The following LPP variants were observed in gnomAD, a reference collection of about 807,000 sequenced individuals.
LPP encodes the protein lipoma-preferred partner.
In LPP, 38 loss-of-function variants were observed where a neutral mutation model predicts 60.4. The observed-to-expected ratio is 0.63, with a 90% CI of 0.49 to 0.83. The LOEUF (loss-of-function observed/expected upper bound fraction) is 0.83, where lower values mean the gene tolerates loss of function less well. Ranked by LOEUF, LPP falls within the 40% of genes least tolerant of loss-of-function variation. The pLI is 0.00. For synonymous variants in LPP, 328 were observed against 290.8 expected (o/e 1.13, Z -1.30); for missense variants, 902 against 783.6 (o/e 1.15, Z -1.80).
At chr3:188,853,723 A>G (rs1264679472) in intron 9 of LPP, among the ~76,000 whole-genome samples, 1 of 152,208 alleles carries the variant, frequency 6.6e-6, no homozygotes, top group East Asian at 1.9e-4. Context: ...TCTTCCATCT[A>G]CAATCTTTCT....
intron 3 of LPP, among the ~76,000 whole-genome samples, chr3:188,377,452 C>T (rs1775481477): frequency 6.6e-6 from 1 of 152,134 alleles, no homozygotes; most frequent in South Asian, 2.1e-4. Context: ...TCATTTCATT[C>T]ATTTTGTCGT....
In LPP at chr3:188,619,886, A is replaced by G. The variant is rs537197541; in HGVS notation, c.1113+10042A>G. On this transcript the variant is annotated intron_variant, in intron 7 of 11. Transcript: ENST00000617246. ...CAGAATATCAAAATCAAAAATTAACATGCTATGTGCAGAGTAGGTTCTATA... is the reference window on the plus strand; with the variant it reads ...CAGAATATCAAAATCAAAAATTAACGTGCTATGTGCAGAGTAGGTTCTATA... 4.1e-3 allele frequency among the ~76,000 whole-genome samples: 618 copies of G among 152,276 alleles called. 2 individuals are homozygous for G. Among genetic ancestry groups the G allele is most frequent in the African/African-American group, 0.014 (582 of 41,568 alleles).
intron 5 of LPP, among the ~76,000 whole-genome samples, chr3:188,496,406 C>T (rs941268745): frequency 4.6e-5 from 7 of 152,188 alleles, no homozygotes; most frequent in African/African-American, 9.6e-5. Flanking sequence ...GGATTACAGG[C>T]GTGAGCCACT....
intron 6 of LPP, among the ~76,000 whole-genome samples, chr3:188,597,489 G>T (rs1031940428): frequency 6.6e-6 from 1 of 152,032 alleles, no homozygotes; most frequent in African/African-American, 2.4e-5. Flanking sequence ...GTAAAAGATA[G>T]GAATGGTTGG....
chr3:188,833,759 C>T (rs750722122), intron 9 of LPP, among the ~76,000 whole-genome samples: 13 of 151,922 alleles, frequency 8.6e-5, no homozygotes, highest in Non-Finnish European at 1.9e-4. Flanking sequence ...AAATTAATCC[C>T]CAAGAGCCTG....
intron 9 of LPP, among the ~76,000 whole-genome samples, chr3:188,768,332 C>T (rs1191217088): frequency 1.3e-5 from 2 of 152,146 alleles, no homozygotes; most frequent in African/African-American, 2.4e-5. Flanking sequence ...AATACCTAAC[C>T]TAGGTTACCC....
intron 7 of LPP, among the ~76,000 whole-genome samples, chr3:188,700,900 C>T (rs1864267588): frequency 6.6e-6 from 1 of 151,740 alleles, no homozygotes; most frequent in South Asian, 2.1e-4. Context: ...CACAAATGGG[C>T]ACAAAAAAAT....
chr3:188,330,367 C>T lies in LPP; in HGVS notation c.-66-11296C>T, dbSNP rs141195162. On this transcript the variant is annotated intron_variant, in intron 2 of 11. Coordinates refer to ENST00000617246, the MANE Select transcript of LPP (RefSeq NM_001375462.1). ...CTTGCAAACTTTCAAATGTATTGTG[C>T]TTTCATTTTCAACTTAATTGGATGT... Among the ~76,000 whole-genome samples the T allele has an allele frequency of 8.5e-3, 1,297 of 152,196 alleles. 4 individuals are homozygous for T. Among genetic ancestry groups the T allele is most frequent in the Middle Eastern group, 0.048 (14 of 294 alleles).
intron 4 of LPP, among the ~76,000 whole-genome samples, chr3:188,474,456 G>A (rs925727152): frequency 3.1e-5 from 4 of 128,782 alleles, no homozygotes; most frequent in Admixed American, 7.9e-5. Flanking sequence ...AGACAGCAGT[G>A]GTGAAATAAA....
intron 6 of LPP, among the ~76,000 whole-genome samples, chr3:188,548,366 T>C (rs999427303): frequency 6.6e-6 from 1 of 152,170 alleles, no homozygotes; most frequent in Non-Finnish European, 1.5e-5. Context: ...ACACATAGCT[T>C]AGTCCACCTC....
chr3:188,297,544 C>G (rs62291421), intron 2 of LPP, among the ~76,000 whole-genome samples: 2,427 of 152,194 alleles, frequency 0.016, 34 homozygotes, highest in South Asian at 0.06. Context: ...TTAAAGAAAA[C>G]AAAAGATTGC....
At chr3:188,507,624 A>C (rs1450124108) in intron 5 of LPP, among the ~76,000 whole-genome samples, 2 of 152,198 alleles carry the variant, frequency 1.3e-5, no homozygotes, top group South Asian at 2.1e-4. Context: ...CAGAGTCAGC[A>C]AAACCTTGTA....
intron 7 of LPP, among the ~76,000 whole-genome samples, chr3:188,614,085 G>A (rs1241782208): frequency 2.6e-5 from 4 of 151,438 alleles, no homozygotes; most frequent in African/African-American, 9.7e-5. Context: ...CCGCCACCAC[G>A]CCTGGCTAAC....
intron 8 of LPP, among the ~76,000 whole-genome samples, chr3:188,735,695 AT>A (rs1454380029): frequency 2.6e-5 from 4 of 152,122 alleles, no homozygotes; most frequent in Non-Finnish European, 4.4e-5. Flanking sequence ...GTAATAACAT[AT>A]TTTAAAGTTA....
intron 9 of LPP, among the ~76,000 whole-genome samples, chr3:188,796,058 A>G (rs1299455143): frequency 1.3e-5 from 2 of 152,196 alleles, no homozygotes; most frequent in East Asian, 3.8e-4. Flanking sequence ...GCAAAAACAG[A>G]CAAGTGGCCT....
chr3:188,487,599 G>A (rs1193222851), intron 5 of LPP, among the ~76,000 whole-genome samples: 1 of 152,178 alleles, frequency 6.6e-6, no homozygotes, highest in Non-Finnish European at 1.5e-5. Flanking sequence ...GCTTCATATG[G>A]AAGATTGTTG....
At chr3:188,330,247 CTTATG>C (rs1054855459) in intron 2 of LPP, among the ~76,000 whole-genome samples, 38 of 152,266 alleles carry the variant, frequency 2.5e-4, no homozygotes, top group African/African-American at 8.7e-4. Context: ...AAATATGTCT[CTTATG>C]TTATAGAGTA....
intron 4 of LPP, among the ~76,000 whole-genome samples, chr3:188,482,301 C>T (rs1805029044): frequency 6.6e-6 from 1 of 152,162 alleles, no homozygotes. Flanking sequence ...ACTCATACAA[C>T]ATAGATTCAG....
At position 188,715,290 on chromosome 3, in the gene LPP, A is replaced by C. The variant is rs1184668213; in HGVS notation, c.1240+6897A>C. ...TTACTCAGGAGGCTGAGGCAGGAGA[A>C]TCACTTGAACCCAGGAGGCGGAGGT... On this transcript the variant is annotated intron_variant, in intron 8 of 11. Transcript: ENST00000617246. Among the ~76,000 whole-genome samples the C allele has an allele frequency of 8.7e-5, 13 of 149,636 alleles. 1 individual carries two copies. Among genetic ancestry groups the C allele is most frequent in the Non-Finnish European group, 1.9e-4 (13 of 67,538 alleles).
Sources: allele counts gnomAD v4.1 joint callset (sites outside exome capture counted in the v4.1 genomes callset), GRCh38; gene constraint gnomAD v4.1.1; transcripts MANE v1.5; gene names NCBI Gene and HGNC (gene_info 2026-07-23, HGNC 2026-07-21).